The following TTLL11 variants were observed in gnomAD, a reference collection of about 807,000 sequenced individuals.
TTLL11 encodes tubulin polyglutamylase TTLL11.
In TTLL11, 42 loss-of-function variants were observed where a neutral mutation model predicts 51.7. The observed-to-expected ratio is 0.81, with a 90% CI of 0.64 to 1.05. The LOEUF is 1.05. Ranked by LOEUF, TTLL11 falls within the 50% of genes least tolerant of loss-of-function variation. The pLI is 0.00. For missense variants in TTLL11, 799 were observed against 940.4 expected (o/e 0.85, Z 1.97); for synonymous variants, 381 against 383.5 (o/e 0.99, Z 0.08).
At chr9:121,880,701 C>T (rs190202660) in intron 6 of TTLL11, among the ~76,000 whole-genome samples, 180 of 152,330 alleles carry the variant, frequency 1.2e-3, no homozygotes, top group African/African-American at 4.3e-3. Flanking sequence ...ACTATACCTA[C>T]AGCCCCAGCA....
chr9:121,904,038 T>C (rs762592088), intron 6 of TTLL11, among the ~76,000 whole-genome samples: 3 of 152,208 alleles, frequency 2.0e-5, no homozygotes, highest in Non-Finnish European at 2.9e-5. Context: ...CCATGAAACA[T>C]AAACCGCGTT....
At chr9:121,985,513 CTTTTTTTTT>C (rs71371908) in intron 4 of TTLL11, among the ~76,000 whole-genome samples, 3 of 97,288 alleles carry the variant, frequency 3.1e-5, no homozygotes, top group African/African-American at 8.9e-5. Context: ...ATTTTCTTTT[CTTTTTTTTT>C]TTTTTTTTTT....
In TTLL11 at chr9:121,820,276, G is replaced by A. The variant is rs1201731839; in HGVS notation, c.*2311C>T. Among the ~76,000 whole-genome samples the A allele has an allele frequency of 1.3e-5, 2 of 152,228 alleles. No homozygotes were observed. The highest frequency in any genetic ancestry group is 4.8e-5 in the African/African-American group (2 of 41,464). On this transcript the variant is annotated 3_prime_UTR_variant, in exon 9 of 9. Coordinates refer to ENST00000321582, the MANE Select transcript of TTLL11 (RefSeq NM_001139442.2). ...TGAACATTGCGCTCCACTTTGGCAA[G>A]CGAGTACTTTCTGAAGACCAACTTC... is the stretch of plus-strand genomic sequence containing the variant.
chr9:122,032,720 A>G (rs1165511512), intron 2 of TTLL11, among the ~76,000 whole-genome samples: 2 of 151,706 alleles, frequency 1.3e-5, no homozygotes, highest in East Asian at 1.9e-4. Context: ...GAAGAAACTG[A>G]GTACTATATA....
intron 6 of TTLL11, among the ~76,000 whole-genome samples, chr9:121,926,875 G>C (rs944299897): frequency 6.6e-6 from 1 of 152,218 alleles, no homozygotes; most frequent in Non-Finnish European, 1.5e-5. Context: ...TTGGAGGCTG[G>C]AAGTCCGAGC....
intron 6 of TTLL11, among the ~76,000 whole-genome samples, chr9:121,874,137 G>A (rs1036339620): frequency 3.3e-5 from 5 of 151,670 alleles, no homozygotes; most frequent in African/African-American, 9.7e-5. Flanking sequence ...GATTACAGGC[G>A]TGAGCCACCG....
intron 6 of TTLL11, among the ~76,000 whole-genome samples, chr9:121,910,928 G>T (rs1158167195): frequency 1.3e-5 from 2 of 152,112 alleles, no homozygotes; most frequent in Non-Finnish European, 2.9e-5. Flanking sequence ...AAATAAGAGA[G>T]CCAGGAATAG....
chr9:121,836,477 T>G (rs1375245640), intron 8 of TTLL11, among the ~76,000 whole-genome samples: 1 of 152,212 alleles, frequency 6.6e-6, no homozygotes, highest in African/African-American at 2.4e-5. Flanking sequence ...CACTGCCATG[T>G]GCTCTCTGCT....
chr9:121,870,856 A>T, intron 6 of TTLL11, 108 bp from the exon 7 acceptor site: 1 of 1,272,736 alleles, frequency 7.9e-7, no homozygotes. Flanking sequence ...TTTTTATTTT[A>T]CAGACAGCAA....
At chr9:121,969,394 CCCA>C (rs961008319) in intron 6 of TTLL11, among the ~76,000 whole-genome samples, 2 of 152,028 alleles carry the variant, frequency 1.3e-5, no homozygotes, top group Non-Finnish European at 2.9e-5. Context: ...TGCTTTCAGT[CCCA>C]CCAAGAAACT....
rs1838019313 is a variant in TTLL11 at position 121,861,713 on chromosome 9, G to A, written c.1734-1270C>T. 2.0e-5 allele frequency among the ~76,000 whole-genome samples: 3 copies of A among 152,180 alleles called. No individual in the cohort carries two copies. In the South Asian group the frequency reaches 6.2e-4, roughly 32 times the overall value. On this transcript the variant is annotated intron_variant, in intron 7 of 8. Coordinates refer to ENST00000321582, the MANE Select transcript of TTLL11 (RefSeq NM_001139442.2). ...CGGTGTCATGCTCAGATGACCCAAG[G>A]ATGACAGCATGTCAACAGTACAGGC...
chr9:121,998,337 A>C (rs1479302656), intron 3 of TTLL11, among the ~76,000 whole-genome samples: 1 of 151,984 alleles, frequency 6.6e-6, no homozygotes, highest in Non-Finnish European at 1.5e-5. Flanking sequence ...CCCAGGCTGG[A>C]GTGCAATGGC....
At chr9:121,955,899 G>A (rs1842000638) in intron 6 of TTLL11, among the ~76,000 whole-genome samples, 1 of 152,204 alleles carries the variant, frequency 6.6e-6, no homozygotes, top group African/African-American at 2.4e-5. Context: ...ATATGAAGTG[G>A]TTCAGAACCA....
chr9:122,013,534 T>A (rs973999447), intron 3 of TTLL11, among the ~76,000 whole-genome samples: 2 of 152,156 alleles, frequency 1.3e-5, no homozygotes, highest in African/African-American at 4.8e-5. Context: ...TAGATATGAA[T>A]CTTTCTGAAT....
At chr9:121,939,571 A>T (rs540077741) in intron 6 of TTLL11, among the ~76,000 whole-genome samples, 14 of 152,314 alleles carry the variant, frequency 9.2e-5, no homozygotes, top group South Asian at 4.2e-4. Context: ...TTTATTTTTT[A>T]AAAAAGCACA....
intron 1 of TTLL11, among the ~76,000 whole-genome samples, chr9:122,081,033 T>C (rs1845992633): frequency 1.3e-5 from 2 of 152,240 alleles, no homozygotes; most frequent in African/African-American, 2.4e-5. Context: ...GGTAGGACTA[T>C]AAATGTTTTA....
intron 6 of TTLL11, among the ~76,000 whole-genome samples, chr9:121,958,983 G>T (rs4144645): frequency 0.077 from 11,744 of 152,096 alleles, 685 homozygotes; most frequent in African/African-American, 0.16. Flanking sequence ...CTTTACAAGG[G>T]GGGGGGTCCA....
chr9:122,053,359 C>G (rs1845211517), intron 1 of TTLL11, among the ~76,000 whole-genome samples: 1 of 152,108 alleles, frequency 6.6e-6, no homozygotes, highest in East Asian at 1.9e-4. Context: ...GAAGGGAAAT[C>G]AGGCAGAGGA....
chr9:121,833,647 C>T (rs1183624095), intron 8 of TTLL11, among the ~76,000 whole-genome samples: 1 of 152,082 alleles, frequency 6.6e-6, no homozygotes, highest in Admixed American at 6.5e-5. Context: ...TCAAGGTCAT[C>T]GTCTAGGTGG....
Sources: allele counts gnomAD v4.1 joint callset (sites outside exome capture counted in the v4.1 genomes callset), GRCh38; gene constraint gnomAD v4.1.1; transcripts MANE v1.5; gene names NCBI Gene and HGNC (gene_info 2026-07-23, HGNC 2026-07-21).